CUX2: variants seen among roughly 807,000 people sequenced by gnomAD.
CUX2 encodes cut like homeobox 2, also known as homeobox protein cut-like 2.
Under a neutral mutation model 144.8 loss-of-function variants are expected in CUX2, and 40 were observed. The observed-to-expected ratio is 0.28, with a 90% CI of 0.21 to 0.36. The LOEUF (loss-of-function observed/expected upper bound fraction) is 0.36. Among genes scored for constraint, CUX2 ranks in the 10% least tolerant of loss-of-function variants. The pLI is 1.00. For missense variants in CUX2, 1,615 were observed against 1,994.0 expected (o/e 0.81, Z 3.62); for synonymous variants, 827 against 875.6 (o/e 0.94, Z 0.98).
intron 14 of CUX2, among the ~76,000 whole-genome samples, 169 bp downstream of exon 14, chr12:111,308,695 A>G (rs3843673): frequency 0.43 from 65,449 of 152,004 alleles, 18,808 homozygotes; most frequent in East Asian, 0.89. Context: ...CAGGGCATCC[A>G]CAAACACCCA....
intron 1 of CUX2, among the ~76,000 whole-genome samples, chr12:111,170,068 C>T (rs1306001819): frequency 6.6e-6 from 1 of 152,126 alleles, no homozygotes; most frequent in East Asian, 1.9e-4. Context: ...ATTGGGGTGC[C>T]AACAGTAACA....
intron 1 of CUX2, among the ~76,000 whole-genome samples, chr12:111,175,341 CTTT>C (rs5800922): frequency 0.097 from 12,070 of 124,136 alleles, 986 homozygotes; most frequent in African/African-American, 0.22. Context: ...CCACCCACAC[CTTT>C]TTTTTTTTTT....
chr12:111,259,287 T>C (rs1325228819), intron 3 of CUX2, among the ~76,000 whole-genome samples: 1 of 152,152 alleles, frequency 6.6e-6, no homozygotes, highest in African/African-American at 2.4e-5. Flanking sequence ...AACTTTTTTC[T>C]GTAAGGGGCC....
intron 1 of CUX2, among the ~76,000 whole-genome samples, chr12:111,107,274 G>A (rs144519683): frequency 1.3e-5 from 2 of 152,226 alleles, no homozygotes; most frequent in African/African-American, 4.8e-5. Flanking sequence ...AAGCCCACAG[G>A]CCCCTCACAC....
Position 111,264,775 on chromosome 12 carries a change from T to C in CUX2, c.301+936T>C, listed in dbSNP as rs80046348. On this transcript the variant is annotated intron_variant, in intron 4 of 21. Coordinates refer to ENST00000261726, the MANE Select transcript of CUX2 (RefSeq NM_015267.4). ...ATAAAAAAGGAATGGAGCTGTGATA[T>C]GTGCTTCAGTGAAGATGAACCTCGA... Among the ~76,000 whole-genome samples, 738 of 152,264 alleles carry C rather than the reference T, an allele frequency of 4.8e-3. 23 individuals are homozygous for C. In the East Asian group the frequency reaches 0.081, roughly 17 times the overall value.
intron 18 of CUX2, among the ~76,000 whole-genome samples, chr12:111,325,671 G>A (rs1367813917): frequency 1.0e-5 from 1 of 95,346 alleles, no homozygotes; most frequent in Admixed American, 1.1e-4. Context: ...TGGGGGAGGG[G>A]TGGGTTTTGT....
intron 1 of CUX2, among the ~76,000 whole-genome samples, chr12:111,210,043 G>C (rs925236952): frequency 6.6e-6 from 1 of 152,190 alleles, no homozygotes; most frequent in African/African-American, 2.4e-5. Context: ...GGCTCCCCCA[G>C]GGCTGGGGGG....
In CUX2 at chr12:111,157,479, TA is replaced by T. The variant is rs542307845; in HGVS notation, c.64-56711del. ...GTTTATGTTTCAAAGATTACAGCTT[TA>T]AAAAAAAAATCACTCTAGGTTGTGT... On this transcript the variant is annotated intron_variant, in intron 1 of 21. Coordinates refer to ENST00000261726, the MANE Select transcript of CUX2 (RefSeq NM_015267.4). Among the ~76,000 whole-genome samples, 300 of 149,576 alleles carry T rather than the reference TA, an allele frequency of 2.0e-3. 2 individuals carry two copies. The highest frequency in any genetic ancestry group is 6.6e-3 in the African/African-American group (270 of 40,786).
Position 111,178,323 on chromosome 12 carries a change from C to G in CUX2, c.64-35877C>G, listed in dbSNP as rs917385254. On this transcript the variant is annotated intron_variant, in intron 1 of 21. Transcript: ENST00000261726. The surrounding 1 kb of genome is among the most constrained non-coding windows in gnomAD (Gnocchi z 5.7). ...TGATAAATCTAATATACTGTGGCCT[C>G]TCTGTATGAGAGACCCTAGTACATA... Among the ~76,000 whole-genome samples the G allele has an allele frequency of 6.6e-6, 1 of 152,246 alleles. No homozygotes were observed. Among genetic ancestry groups the G allele is most frequent in the African/African-American group, 2.4e-5 (1 of 41,466 alleles).
intron 2 of CUX2, among the ~76,000 whole-genome samples, chr12:111,215,284 G>A (rs373199363): frequency 5.1e-4 from 77 of 152,206 alleles, no homozygotes; most frequent in Admixed American, 5.9e-4. Context: ...TTGCCATCTC[G>A]CTGGTCAGGG....
chr12:111,270,572 A>T (rs951816200), intron 4 of CUX2: 6 of 151,538 alleles, frequency 4.0e-5, no homozygotes, highest in South Asian at 2.1e-4. Context: ...CCTTTATCGC[A>T]CTCGTAGAGT....
At chr12:111,074,499 A>C (rs1362439850) in intron 1 of CUX2, among the ~76,000 whole-genome samples, 1 of 151,946 alleles carries the variant, frequency 6.6e-6, no homozygotes, top group African/African-American at 2.4e-5. Flanking sequence ...GTGAGTGAAG[A>C]TAGAGGCTTG....
rs137954324 is a variant in CUX2, at chr12:111,241,671, C to T, written c.223-22090C>T. 3.3e-5 allele frequency among the ~76,000 whole-genome samples: 5 copies of T among 152,396 alleles called. No individual in the cohort carries two copies. In the East Asian group the frequency reaches 9.6e-4, roughly 29 times the overall value. ...GCGGCCAAGACTGGATGTAGACATC[C>T]CACGTTGGCCCGACCCCATGGCTCA... On this transcript the variant is annotated intron_variant, in intron 3 of 21. Transcript: ENST00000261726.
intron 1 of CUX2, among the ~76,000 whole-genome samples, chr12:111,058,876 A>T (rs981721683): frequency 2.0e-5 from 3 of 152,324 alleles, no homozygotes; most frequent in Non-Finnish European, 4.4e-5. Context: ...CCCTAGGTAC[A>T]ATACTCATAT....
At chr12:111,267,913 C>G (rs1884462300) in intron 4 of CUX2, among the ~76,000 whole-genome samples, 1 of 152,196 alleles carries the variant, frequency 6.6e-6, no homozygotes, top group South Asian at 2.1e-4. Context: ...CCTCAGACTT[C>G]TGGGCTCAAA....
At chr12:111,136,499 T>G (rs1427392863) in intron 1 of CUX2, among the ~76,000 whole-genome samples, 1 of 152,144 alleles carries the variant, frequency 6.6e-6, no homozygotes, top group East Asian at 1.9e-4. Flanking sequence ...TTGAGCAGCC[T>G]CTGGAAAAAT....
chr12:111,261,102 A>G (rs1220662533), intron 3 of CUX2, among the ~76,000 whole-genome samples: 7 of 152,174 alleles, frequency 4.6e-5, no homozygotes, highest in African/African-American at 1.7e-4. Context: ...TTTTCTATCC[A>G]GGACAAAAGG....
At position 111,313,707 on chromosome 12, in the gene CUX2, T is replaced by G. The variant is rs559974534; in HGVS notation, c.2002+1506T>G. Among the ~76,000 whole-genome samples, 8 of 152,172 alleles carry G rather than the reference T, an allele frequency of 5.3e-5. No individual in the cohort carries two copies. In the South Asian group the frequency reaches 1.2e-3, roughly 24 times the overall value. ...TTCTTAGGGTTGTGTGAGGATCAAA[T>G]GAGGTCAGTGTAATCCTGAAAGATC... On this transcript the variant is annotated intron_variant, in intron 16 of 21. Transcript: ENST00000261726.
At chr12:111,237,089 C>T (rs1341511840) in intron 3 of CUX2, among the ~76,000 whole-genome samples, 1 of 152,130 alleles carries the variant, frequency 6.6e-6, no homozygotes, top group Non-Finnish European at 1.5e-5. Flanking sequence ...GCCAAGTTTG[C>T]GGTGAGCCGA....
Sources: allele counts gnomAD v4.1 joint callset (sites outside exome capture counted in the v4.1 genomes callset), GRCh38; gene constraint gnomAD v4.1.1; non-coding constraint Gnocchi (gnomAD v3.1); transcripts MANE v1.5; gene names NCBI Gene and HGNC (gene_info 2026-07-23, HGNC 2026-07-21).